Variants in ATRNL1 observed in about 807,000 individuals in gnomAD.
ATRNL1 encodes attractin-like protein 1.
Under a neutral mutation model 182.7 loss-of-function variants are expected in ATRNL1, and 95 were observed. The observed-to-expected ratio is 0.52, with a 90% CI of 0.44 to 0.62. The LOEUF (loss-of-function observed/expected upper bound fraction) is 0.62, where lower values mean the gene tolerates loss of function less well. ATRNL1 is among the 20% of genes least tolerant of loss of function. The probability of loss-of-function intolerance (pLI) is 0.00; values close to 1 mark genes in which losing one functional copy is unlikely to be tolerated. For missense variants in ATRNL1, 1,471 were observed against 1,679.5 expected, an observed-to-expected ratio of 0.88 and a Z score of 2.17; for synonymous variants, 576 against 568.3, an observed-to-expected ratio of 1.01 and a Z score of -0.19.
chr10:115,105,668 G>A (rs932784310), intron 1 of ATRNL1, among the ~76,000 whole-genome samples: 1 of 152,212 alleles, frequency 6.6e-6, no homozygotes. Flanking sequence ...AGCTGCTCTA[G>A]CTATGACTAA....
intron 26 of ATRNL1, among the ~76,000 whole-genome samples, chr10:115,591,520 A>G (rs1555012249): frequency 1.3e-5 from 2 of 152,176 alleles, no homozygotes; most frequent in African/African-American, 4.8e-5. Context: ...TTTCTTGGAA[A>G]TTTCTATCTT....
chr10:115,571,504 T>A (rs1288159135), intron 26 of ATRNL1, among the ~76,000 whole-genome samples: 1 of 152,218 alleles, frequency 6.6e-6, no homozygotes, highest in East Asian at 1.9e-4. Context: ...TCTGTTGAAT[T>A]ACCCATCCAG....
chr10:115,740,821 A>AACACACACAC (rs1314938267), intron 27 of ATRNL1, among the ~76,000 whole-genome samples: 4 of 57,204 alleles, frequency 7.0e-5, no homozygotes, highest in African/African-American at 1.7e-4. Context: ...TATCTCTTTA[A>AACACACACAC]ACACACACAC....
chr10:115,713,864 G>A (rs1947165392), intron 26 of ATRNL1, among the ~76,000 whole-genome samples: 1 of 152,028 alleles, frequency 6.6e-6, no homozygotes, highest in East Asian at 1.9e-4. Flanking sequence ...CCAAGTTTGG[G>A]ACTCACTCCT....
At chr10:115,476,689 C>T (rs1565084202) in intron 24 of ATRNL1, among the ~76,000 whole-genome samples, 1 of 151,360 alleles carries the variant, frequency 6.6e-6, no homozygotes, top group Admixed American at 6.6e-5. Flanking sequence ...TATCTATCCT[C>T]TGTCATTTAT....
chr10:115,124,220 C>G (rs1394250108), intron 3 of ATRNL1, among the ~76,000 whole-genome samples: 1 of 152,034 alleles, frequency 6.6e-6, no homozygotes, highest in Non-Finnish European at 1.5e-5. Context: ...GCTTGGTGCT[C>G]CCCACCTACT....
intron 26 of ATRNL1, among the ~76,000 whole-genome samples, chr10:115,593,411 C>A (rs1324005403): frequency 6.6e-6 from 1 of 152,136 alleles, no homozygotes; most frequent in East Asian, 1.9e-4. Flanking sequence ...ACCAATGGAA[C>A]AGAATAAAGA....
At chr10:115,335,476 T>G (rs1269133319) in intron 19 of ATRNL1, among the ~76,000 whole-genome samples, 3 of 152,186 alleles carry the variant, frequency 2.0e-5, no homozygotes, top group African/African-American at 7.2e-5. Flanking sequence ...GGGTGATTCT[T>G]AGGTAATTGT....
At chr10:115,808,478 G>T (rs1390847588) in intron 27 of ATRNL1, among the ~76,000 whole-genome samples, 3 of 152,034 alleles carry the variant, frequency 2.0e-5, no homozygotes, top group African/African-American at 7.2e-5. Context: ...AATAAAAGCT[G>T]CTATGAGCAT....
chr10:115,368,599 C>T lies in ATRNL1; in HGVS notation c.3176-26060C>T, dbSNP rs564015767. Among the ~76,000 whole-genome samples the T allele has an allele frequency of 2.6e-5, 4 of 152,196 alleles. No individual in the cohort carries two copies. In the East Asian group the frequency reaches 7.7e-4, roughly 29 times the overall value. On this transcript the variant is annotated intron_variant, in intron 19 of 28. Transcript: ENST00000355044. ...TGGCTGTAGATCTCCAGAAATTATTCTTCCTTTCTAACAAAAACTTTGTAC... is the reference window on the plus strand; with the variant it reads ...TGGCTGTAGATCTCCAGAAATTATTTTTCCTTTCTAACAAAAACTTTGTAC...
chr10:115,352,804 G>T (rs1856321318), intron 19 of ATRNL1, among the ~76,000 whole-genome samples: 1 of 152,108 alleles, frequency 6.6e-6, no homozygotes, highest in Admixed American at 6.6e-5. Flanking sequence ...GGAGGCTGAG[G>T]CAGGAGAATC....
At chr10:115,850,758 A>C (rs1379169399) in intron 28 of ATRNL1, among the ~76,000 whole-genome samples, 2 of 152,286 alleles carry the variant, frequency 1.3e-5, no homozygotes, top group African/African-American at 4.8e-5. Context: ...ATTTCAGTAA[A>C]ATGAGCAACA....
chr10:115,415,136 T>A (rs1319972990), intron 20 of ATRNL1, among the ~76,000 whole-genome samples: 1 of 152,060 alleles, frequency 6.6e-6, no homozygotes, highest in Non-Finnish European at 1.5e-5. Flanking sequence ...CATATGAATT[T>A]TCTCATTTTC....
intron 24 of ATRNL1, among the ~76,000 whole-genome samples, chr10:115,511,488 A>G (rs554270926): frequency 1.3e-5 from 2 of 151,882 alleles, no homozygotes; most frequent in South Asian, 4.1e-4. Flanking sequence ...TAATTTTAGC[A>G]CATTCTTTTA....
At chr10:115,515,030 A>G (rs1196009513) in intron 24 of ATRNL1, among the ~76,000 whole-genome samples, 3 of 151,818 alleles carry the variant, frequency 2.0e-5, no homozygotes, top group Non-Finnish European at 4.4e-5. Context: ...ATGTACTCCA[A>G]CTGTTCCAGG....
chr10:115,404,823 T>TG (rs1164428898), intron 20 of ATRNL1, among the ~76,000 whole-genome samples: 1 of 151,704 alleles, frequency 6.6e-6, no homozygotes, highest in Non-Finnish European at 1.5e-5. Flanking sequence ...AGCTTTTTTT[T>TG]TTTTTTTTTA....
At chr10:115,441,644 C>T (rs1267955081) in intron 21 of ATRNL1, among the ~76,000 whole-genome samples, 1 of 151,848 alleles carries the variant, frequency 6.6e-6, no homozygotes, top group Non-Finnish European at 1.5e-5. Flanking sequence ...CTCTGACTTT[C>T]TGTTTGATAT....
At chr10:115,639,017 G>C (rs1397955876) in intron 26 of ATRNL1, among the ~76,000 whole-genome samples, 1 of 152,086 alleles carries the variant, frequency 6.6e-6, no homozygotes, top group Non-Finnish European at 1.5e-5. Context: ...TCCCAATTTG[G>C]CAAAATACAG....
chr10:115,445,506 C>CAT lies in ATRNL1; in HGVS notation c.3323-16435_3323-16434insAT, dbSNP rs880000224. On this transcript the variant is annotated intron_variant, in intron 21 of 28. Transcript: ENST00000355044. ...CTACTCTGTAAATAACTCATTTGTC[C>CAT]GTGTGTGTGTGTGTGTGTGTGTGTG... is the stretch of plus-strand genomic sequence containing the variant. Among the ~76,000 whole-genome samples, 412 of 119,266 alleles carry CAT rather than the reference C, an allele frequency of 3.5e-3. 7 individuals carry two copies. The highest frequency in any genetic ancestry group is 0.013 in the African/African-American group (404 of 32,284). The allele number at this position is 119,266 out of a possible 152,430, so 78.2% of individuals were successfully genotyped here. A position where few individuals can be genotyped will look rare whatever the true frequency, so the allele number is the denominator to read the frequency against.
Sources: gnomAD v4.1 joint callset for allele counts (sites outside exome capture counted in the v4.1 genomes callset) on GRCh38, gnomAD v4.1.1 for gene constraint, MANE v1.5 for transcripts, NCBI Gene and HGNC (gene_info 2026-07-23, HGNC 2026-07-21) for gene names.